The following RGS7 variants were observed in gnomAD, a reference collection of about 807,000 sequenced individuals.
RGS7 encodes regulator of G protein signaling 7.
In RGS7, 27 loss-of-function variants were observed where a neutral mutation model predicts 81.1. That is an observed-to-expected ratio of 0.33 (90% CI 0.25 to 0.46). RGS7 has a LOEUF of 0.46. RGS7 is among the 20% of genes least tolerant of loss of function. RGS7 has a pLI of 1.00. For synonymous variants in RGS7, 208 were observed against 207.7 expected (o/e 1.00, Z -0.01); for missense variants, 396 against 607.4 (o/e 0.65, Z 3.66).
At chr1:241,082,888 TGA>T (rs2063215531) in intron 3 of RGS7, among the ~76,000 whole-genome samples, 1 of 152,022 alleles carries the variant, frequency 6.6e-6, no homozygotes, top group South Asian at 2.1e-4. Context: ...ACAAATACAA[TGA>T]GAACTTTGTC....
At chr1:241,060,341 A>G (rs1490886136) in intron 3 of RGS7, among the ~76,000 whole-genome samples, 1 of 152,262 alleles carries the variant, frequency 6.6e-6, no homozygotes, top group Non-Finnish European at 1.5e-5. Flanking sequence ...GTTATGTTGT[A>G]GATTGGGCAT....
intron 2 of RGS7, among the ~76,000 whole-genome samples, chr1:241,208,450 T>C (rs1345582773): frequency 6.6e-6 from 1 of 152,106 alleles, no homozygotes; most frequent in Non-Finnish European, 1.5e-5. Context: ...TGTGTGTGTG[T>C]TCTACCTGGC....
chr1:241,334,966 G>GAACA (rs1251826545), intron 2 of RGS7, among the ~76,000 whole-genome samples: 1 of 152,122 alleles, frequency 6.6e-6, no homozygotes, highest in African/African-American at 2.4e-5. Context: ...TTAATGTTCT[G>GAACA]AACAATCAAA....
chr1:240,933,400 C>T lies in RGS7; in HGVS notation c.334-2632G>A, dbSNP rs868159232. ...CATTCTTATATTTTTCTTCATTCTC[C>T]ATCATTTACTTTAGTGAGAATTTAA... On this transcript the variant is annotated intron_variant, in intron 5 of 18. Transcript: ENST00000440928. Among the ~76,000 whole-genome samples, 3 of 152,028 alleles carry T rather than the reference C, an allele frequency of 2.0e-5. 1 individual carries two copies. The highest frequency in any genetic ancestry group is 3.4e-3 in the Middle Eastern group (1 of 294).
Position 241,186,822 on chromosome 1 carries a change from C to T in RGS7, c.79-88060G>A, listed in dbSNP as rs1001466409. On this transcript the variant is annotated intron_variant, in intron 2 of 18. Transcript: ENST00000440928. ...GATTACAGGCGTGAGCCACCGCGCCCGGCCATCTAACATAATTCTTATCCA... is the reference window on the plus strand; with the variant it reads ...GATTACAGGCGTGAGCCACCGCGCCTGGCCATCTAACATAATTCTTATCCA... 3.9e-4 allele frequency among the ~76,000 whole-genome samples: 59 copies of T among 152,168 alleles called. 1 individual carries two copies. Among genetic ancestry groups the T allele is most frequent in the African/African-American group, 1.3e-3 (54 of 41,524 alleles).
At chr1:241,064,880 C>T (rs1572516547) in intron 3 of RGS7, among the ~76,000 whole-genome samples, 1 of 152,012 alleles carries the variant, frequency 6.6e-6, no homozygotes, top group Non-Finnish European at 1.5e-5. Context: ...ATAGAAACAC[C>T]TCCACATTCA....
intron 18 of RGS7, among the ~76,000 whole-genome samples, chr1:240,797,424 T>C (rs1200790666): frequency 6.6e-6 from 1 of 152,232 alleles, no homozygotes; most frequent in Admixed American, 6.5e-5. Flanking sequence ...TGATCTCTGC[T>C]CACTGCAACA....
At chr1:241,207,820 A>C (rs1480494426) in intron 2 of RGS7, among the ~76,000 whole-genome samples, 3 of 152,208 alleles carry the variant, frequency 2.0e-5, no homozygotes, top group African/African-American at 7.2e-5. Flanking sequence ...TAGAAAAAGA[A>C]AAGACTGGCT....
chr1:241,154,647 G>A (rs1338357792), intron 2 of RGS7, among the ~76,000 whole-genome samples: 2 of 152,234 alleles, frequency 1.3e-5, no homozygotes, highest in African/African-American at 2.4e-5. Flanking sequence ...TTGCAGGTGC[G>A]AGATAATTAG....
Position 240,960,217 on chromosome 1 carries a change from C to CTTCTTTTTTT in RGS7, c.226+22861_226+22862insAAAAAAAGAA, listed in dbSNP as rs60911948. On this transcript the variant is annotated intron_variant, in intron 4 of 18. Transcript: ENST00000440928. ...TTTTCTTCTTCTTCCTCTTCTTCTT[C>CTTCTTTTTTT]TTTTTTTTTTTTTTTTTGTTGTTGT... Among the ~76,000 whole-genome samples the CTTCTTTTTTT allele has an allele frequency of 4.7e-3, 42 of 8,944 alleles. 1 individual carries two copies. Among genetic ancestry groups the CTTCTTTTTTT allele is most frequent in the East Asian group, 0.019 (3 of 156 alleles). The allele number at this position is 8,944 out of a possible 152,430, so 5.9% of individuals were successfully genotyped here. A position where few individuals can be genotyped will look rare whatever the true frequency, so the allele number is the denominator to read the frequency against.
intron 2 of RGS7, among the ~76,000 whole-genome samples, chr1:241,190,489 C>T (rs1308936610): frequency 1.3e-5 from 2 of 152,054 alleles, no homozygotes; most frequent in East Asian, 3.9e-4. Flanking sequence ...ATTTTGTGTG[C>T]TTCCTTTGAT....
At position 240,993,892 on chromosome 1, in the gene RGS7, G is replaced by A. The variant is rs1041602616; in HGVS notation, c.176-10763C>T. 1.1e-4 allele frequency among the ~76,000 whole-genome samples: 16 copies of A among 151,962 alleles called. 1 individual carries two copies. The highest frequency in any genetic ancestry group is 9.2e-4 in the Admixed American group (14 of 15,272). ...CTTAGGTGGAACTTCCTTTTTGCCCGTGAATGTCCAATAGCTCTAGCACCA... is the reference window on the plus strand; with the variant it reads ...CTTAGGTGGAACTTCCTTTTTGCCCATGAATGTCCAATAGCTCTAGCACCA... On this transcript the variant is annotated intron_variant, in intron 3 of 18. Coordinates refer to ENST00000440928, the MANE Select transcript of RGS7 (RefSeq NM_001364886.1).
rs184093042 is a variant in RGS7 at position 241,302,654 on chromosome 1, A to G, written c.78+53045T>C. Reference sequence around the variant, plus strand: ...TACTTTGAAAAATTTTTCTTATCATACAAAATTTTAAACATGAGCAAAGTA... The same window carrying G: ...TACTTTGAAAAATTTTTCTTATCATGCAAAATTTTAAACATGAGCAAAGTA... On this transcript the variant is annotated intron_variant, in intron 2 of 18. Transcript: ENST00000440928. Among the ~76,000 whole-genome samples the G allele has an allele frequency of 4.7e-4, 71 of 152,324 alleles. 1 individual carries two copies. Among genetic ancestry groups the G allele is most frequent in the Admixed American group, 2.1e-3 (32 of 15,308 alleles).
intron 2 of RGS7, among the ~76,000 whole-genome samples, chr1:241,300,273 C>T (rs1157387201): frequency 6.6e-6 from 1 of 152,170 alleles, no homozygotes; most frequent in Non-Finnish European, 1.5e-5. Context: ...ACCTACATCG[C>T]TACATCATAA....
At chr1:241,130,842 C>T (rs758916940) in intron 2 of RGS7, among the ~76,000 whole-genome samples, 1 of 150,364 alleles carries the variant, frequency 6.7e-6, no homozygotes, top group Non-Finnish European at 1.5e-5. Context: ...CCAAAGGTGA[C>T]ATCTCCTTTC....
In RGS7 at chr1:241,112,157, A is replaced by G. The variant is rs575989920; in HGVS notation, c.79-13395T>C. 2.0e-4 allele frequency among the ~76,000 whole-genome samples: 30 copies of G among 152,310 alleles called. No individual in the cohort carries two copies. In the South Asian group the frequency reaches 5.8e-3, roughly 29 times the overall value. The stretch of plus-strand genomic sequence containing the variant: ...CACTACTCTGCTTCCACTGAGATGA[A>G]ACATGAGGACTTTGGATTAAGTGTA... On this transcript the variant is annotated intron_variant, in intron 2 of 18. Coordinates refer to ENST00000440928, the MANE Select transcript of RGS7 (RefSeq NM_001364886.1).
At chr1:241,035,257 T>A (rs1326600525) in intron 3 of RGS7, among the ~76,000 whole-genome samples, 1 of 152,140 alleles carries the variant, frequency 6.6e-6, no homozygotes, top group African/African-American at 2.4e-5. Context: ...GTAAAGGGAA[T>A]ATCTAAGTTC....
chr1:241,279,323 C>T (rs930675144), intron 2 of RGS7, among the ~76,000 whole-genome samples: 1 of 152,118 alleles, frequency 6.6e-6, no homozygotes, highest in African/African-American at 2.4e-5. Context: ...CCTTGATTTT[C>T]CTACTGTTTC....
At chr1:241,155,796 A>C (rs1345174204) in intron 2 of RGS7, among the ~76,000 whole-genome samples, 1 of 152,162 alleles carries the variant, frequency 6.6e-6, no homozygotes, top group Non-Finnish European at 1.5e-5. Flanking sequence ...GGTTTCAAGT[A>C]GAGTGATTTT....
Sources: allele counts gnomAD v4.1 joint callset (sites outside exome capture counted in the v4.1 genomes callset), GRCh38; gene constraint gnomAD v4.1.1; transcripts MANE v1.5; gene names NCBI Gene and HGNC (gene_info 2026-07-23, HGNC 2026-07-21).